Variants in CCDC178 observed in about 807,000 individuals in gnomAD.
CCDC178 encodes coiled-coil domain containing 178.
CCDC178 carries 126 observed loss-of-function variants against 117.4 expected under a neutral mutation model. The ratio of observed to expected loss-of-function variants is 1.07; its 90% CI spans 0.93 to 1.24. The LOEUF (loss-of-function observed/expected upper bound fraction) is 1.24, where lower values mean the gene tolerates loss of function less well. Among genes scored for constraint, CCDC178 ranks in the 50% most tolerant of loss-of-function variants. The probability of loss-of-function intolerance (pLI) is 0.00; values close to 1 mark genes in which losing one functional copy is unlikely to be tolerated. For synonymous variants in CCDC178, 283 were observed against 313.4 expected, an observed-to-expected ratio of 0.90 and a Z score of 1.02; for missense variants, 1,030 against 986.9, an observed-to-expected ratio of 1.04 and a Z score of -0.59.
At chr18:33,438,444 GTCT>G (rs1017656071) in intron 2 of CCDC178, among the ~76,000 whole-genome samples, 2 of 151,876 alleles carry the variant, frequency 1.3e-5, no homozygotes, top group African/African-American at 4.8e-5. Context: ...AATGTGAGTG[GTCT>G]TCTTCTATTT....
At chr18:33,198,967 T>G (rs1016446647) in intron 20 of CCDC178, among the ~76,000 whole-genome samples, 3 of 152,154 alleles carry the variant, frequency 2.0e-5, no homozygotes, top group African/African-American at 7.2e-5. Context: ...GTATCTAGAA[T>G]AGTGTATTTA....
At chr18:33,317,356 A>G (rs985469732) in intron 11 of CCDC178, among the ~76,000 whole-genome samples, 1 of 152,106 alleles carries the variant, frequency 6.6e-6, no homozygotes, top group African/African-American at 2.4e-5. Context: ...CAAGACCACG[A>G]ACCCACCAGA....
At chr18:32,958,947 G>T (rs1157515559) in intron 22 of CCDC178, among the ~76,000 whole-genome samples, 3 of 152,100 alleles carry the variant, frequency 2.0e-5, no homozygotes, top group African/African-American at 7.2e-5. Flanking sequence ...TCACTTTCTG[G>T]TTATGAGTCT....
chr18:33,018,217 C>T (rs146942552), intron 21 of CCDC178, among the ~76,000 whole-genome samples: 228 of 152,024 alleles, frequency 1.5e-3, no homozygotes, highest in African/African-American at 4.8e-3. Flanking sequence ...GAAATCAAAA[C>T]CAAAATGGAA....
intron 10 of CCDC178, among the ~76,000 whole-genome samples, chr18:33,324,083 T>G (rs1479711263): frequency 6.6e-6 from 1 of 151,846 alleles, no homozygotes; most frequent in Non-Finnish European, 1.5e-5. Flanking sequence ...TACTTCAAAA[T>G]ATTCAGTTTT....
chr18:33,334,050 T>G (rs1471860002), intron 9 of CCDC178, among the ~76,000 whole-genome samples: 1 of 151,796 alleles, frequency 6.6e-6, no homozygotes, highest in Non-Finnish European at 1.5e-5. Flanking sequence ...AATGATGAAA[T>G]AAGACTTACA....
chr18:33,019,298 A>C (rs958870790), intron 21 of CCDC178, among the ~76,000 whole-genome samples: 12 of 152,352 alleles, frequency 7.9e-5, no homozygotes, highest in African/African-American at 2.9e-4. Flanking sequence ...ATTATGTAGC[A>C]AGTGAATTGA....
intron 21 of CCDC178, among the ~76,000 whole-genome samples, chr18:33,058,691 T>C (rs922697409): frequency 2.7e-4 from 41 of 152,156 alleles, no homozygotes; most frequent in African/African-American, 8.0e-4. Flanking sequence ...ATGTCATGGG[T>C]TTTGTGAAAG....
intron 14 of CCDC178, among the ~76,000 whole-genome samples, chr18:33,246,426 C>T (rs1474317016): frequency 1.3e-5 from 2 of 151,756 alleles, no homozygotes; most frequent in Non-Finnish European, 1.5e-5. Context: ...GGTGAATACA[C>T]ATGATTAGCT....
At chr18:33,339,903 G>A (rs977056387) in intron 9 of CCDC178, among the ~76,000 whole-genome samples, 2 of 152,040 alleles carry the variant, frequency 1.3e-5, no homozygotes, top group African/African-American at 4.8e-5. Context: ...TTTATCAGCA[G>A]TGTGAAAATG....
At position 33,374,560 on chromosome 18, in the gene CCDC178, T is replaced by C. The variant is rs565209241; in HGVS notation, c.209-4371A>G. Among the ~76,000 whole-genome samples the C allele has an allele frequency of 1.7e-4, 26 of 152,312 alleles. 1 individual carries two copies. The South Asian group carries it at 5.2e-3, about 30-fold the overall frequency. ...GGAAATGTAAAATTGTTTAAACACT[T>C]TGGAAAACAATTTGGCAATTTCTTA... On this transcript the variant is annotated intron_variant, in intron 5 of 22. Transcript: ENST00000383096.
intron 20 of CCDC178, among the ~76,000 whole-genome samples, chr18:33,195,162 A>T (rs1213250918): frequency 6.6e-6 from 1 of 151,950 alleles, no homozygotes; most frequent in South Asian, 2.1e-4. Context: ...AAAGAAAATT[A>T]AAAAAAGAAA....
chr18:33,061,339 A>G (rs2056916890), intron 21 of CCDC178, among the ~76,000 whole-genome samples: 1 of 152,104 alleles, frequency 6.6e-6, no homozygotes. Context: ...ATTGAAGTAT[A>G]AATAAAGAAA....
intron 2 of CCDC178, among the ~76,000 whole-genome samples, chr18:33,419,925 T>C (rs1048566457): frequency 1.1e-4 from 17 of 151,894 alleles, no homozygotes; most frequent in Non-Finnish European, 2.4e-4. Context: ...TTTTTTTTTT[T>C]CACCAATCTC....
chr18:33,319,437 A>G (rs1307290929), intron 11 of CCDC178, among the ~76,000 whole-genome samples: 1 of 152,000 alleles, frequency 6.6e-6, no homozygotes, highest in Non-Finnish European at 1.5e-5. Flanking sequence ...AATCCCGTCC[A>G]TCATTGATGG....
At chr18:33,262,877 C>A (rs528276920) in intron 14 of CCDC178, among the ~76,000 whole-genome samples, 23 of 152,044 alleles carry the variant, frequency 1.5e-4, no homozygotes, top group Admixed American at 1.2e-3. Context: ...GATTAGACTG[C>A]AAAAAATGAG....
chr18:33,161,512 A>T (rs140973598), intron 20 of CCDC178, among the ~76,000 whole-genome samples: 1 of 152,236 alleles, frequency 6.6e-6, no homozygotes, highest in East Asian at 1.9e-4. Context: ...TATTTTATAG[A>T]TATATATTGG....
At chr18:32,980,232 G>A (rs1447344650) in intron 21 of CCDC178, among the ~76,000 whole-genome samples, 6 of 151,972 alleles carry the variant, frequency 3.9e-5, no homozygotes, top group Non-Finnish European at 7.4e-5. Context: ...AACCATATAA[G>A]CTGCAGGTTT....
chr18:33,163,622 T>G (rs781273416), intron 20 of CCDC178, among the ~76,000 whole-genome samples: 1 of 152,212 alleles, frequency 6.6e-6, no homozygotes, highest in Non-Finnish European at 1.5e-5. Flanking sequence ...TACCCCCTTT[T>G]TCTAAGAACT....
Sources: gnomAD v4.1 joint callset for allele counts (sites outside exome capture counted in the v4.1 genomes callset) on GRCh38, gnomAD v4.1.1 for gene constraint, MANE v1.5 for transcripts, NCBI Gene and HGNC (gene_info 2026-07-23, HGNC 2026-07-21) for gene names.